The following ADGRL3 variants were observed in gnomAD, a reference collection of about 807,000 sequenced individuals.
ADGRL3 encodes the protein calcium-independent alpha-latrotoxin receptor 3.
In ADGRL3, 62 loss-of-function variants were observed where a neutral mutation model predicts 153.5. That is an observed-to-expected ratio of 0.40 (90% CI 0.33 to 0.50). The LOEUF is 0.50. ADGRL3 is among the 20% of genes least tolerant of loss of function. ADGRL3 has a pLI of 0.47. For missense variants in ADGRL3, 1,641 were observed against 1,859.4 expected (o/e 0.88, Z 2.16); for synonymous variants, 710 against 672.5 (o/e 1.06, Z -0.86).
At chr4:61,938,477 G>C (rs538318284) in intron 15 of ADGRL3, among the ~76,000 whole-genome samples, 5 of 152,192 alleles carry the variant, frequency 3.3e-5, no homozygotes, top group African/African-American at 1.2e-4. Flanking sequence ...AAATGATAAT[G>C]GATATCTCAT....
At chr4:61,885,745 A>G (rs1013613381) in intron 9 of ADGRL3, among the ~76,000 whole-genome samples, 3 of 152,224 alleles carry the variant, frequency 2.0e-5, no homozygotes, top group Middle Eastern at 3.2e-3. Flanking sequence ...GACCTGGATT[A>G]GAATCATGAT....
chr4:62,012,340 C>A (rs2099190547), intron 21 of ADGRL3, among the ~76,000 whole-genome samples: 1 of 152,144 alleles, frequency 6.6e-6, no homozygotes, highest in Non-Finnish European at 1.5e-5. Flanking sequence ...AATATTGTGT[C>A]TATTTGGAAA....
At chr4:61,909,425 C>G (rs549105211) in intron 11 of ADGRL3, 135 bp from the exon 12 acceptor site, 2 of 617,484 alleles carry the variant, frequency 3.2e-6, no homozygotes, top group East Asian at 6.0e-5. Flanking sequence ...GGAGTGTATT[C>G]CAGATGAAGA....
At chr4:61,858,581 A>C (rs371521376) in intron 9 of ADGRL3, among the ~76,000 whole-genome samples, 1 of 152,252 alleles carries the variant, frequency 6.6e-6, no homozygotes, top group South Asian at 2.1e-4. Context: ...AGATTGTGCC[A>C]CTGCACTCCA....
At chr4:61,374,022 G>GGT (rs955984930) in intron 1 of ADGRL3, among the ~76,000 whole-genome samples, 1 of 152,094 alleles carries the variant, frequency 6.6e-6, no homozygotes, top group African/African-American at 2.4e-5. Flanking sequence ...CATCAAGGGG[G>GGT]TTAACTTTTG....
intron 6 of ADGRL3, among the ~76,000 whole-genome samples, chr4:61,688,508 A>C (rs2095485549): frequency 6.6e-6 from 1 of 152,162 alleles, no homozygotes; most frequent in Non-Finnish European, 1.5e-5. Context: ...GTGAAAAAAT[A>C]AAATGAAATA....
At chr4:62,009,153 CT>C (rs2099172562) in intron 21 of ADGRL3, among the ~76,000 whole-genome samples, 2 of 152,112 alleles carry the variant, frequency 1.3e-5, no homozygotes, top group African/African-American at 4.8e-5. Context: ...ACTGTATATG[CT>C]TTCTAGAAAA....
intron 8 of ADGRL3, among the ~76,000 whole-genome samples, chr4:61,767,934 G>A (rs529256913): frequency 4.6e-5 from 7 of 152,256 alleles, no homozygotes; most frequent in African/African-American, 1.7e-4. Flanking sequence ...TGTGGGGTTT[G>A]AGGGCCAGAT....
chr4:62,007,409 CGTATATATAT>C (rs2099164378), intron 21 of ADGRL3, among the ~76,000 whole-genome samples: 1 of 90,864 alleles, frequency 1.1e-5, no homozygotes, highest in Non-Finnish European at 2.2e-5. Context: ...TATATATACA[CGTATATATAT>C]ATACACATAT....
chr4:61,210,100 G>C (rs574928824), intron 1 of ADGRL3, among the ~76,000 whole-genome samples: 2 of 152,148 alleles, frequency 1.3e-5, no homozygotes, highest in Non-Finnish European at 2.9e-5. Flanking sequence ...GTGCCAATAA[G>C]AGAAGTTATT....
At chr4:61,997,212 G>A (rs900893631) in intron 20 of ADGRL3, among the ~76,000 whole-genome samples, 2 of 150,190 alleles carry the variant, frequency 1.3e-5, no homozygotes, top group South Asian at 4.2e-4. Flanking sequence ...TGGAGACTAG[G>A]CAGCACTCTG....
chr4:61,476,135 T>A (rs1323509697), intron 2 of ADGRL3, among the ~76,000 whole-genome samples: 1 of 152,204 alleles, frequency 6.6e-6, no homozygotes, highest in South Asian at 2.1e-4. Flanking sequence ...CCTTTCTCAA[T>A]TAATTATTCT....
At chr4:61,338,430 A>G (rs1214864483) in intron 1 of ADGRL3, among the ~76,000 whole-genome samples, 1 of 151,798 alleles carries the variant, frequency 6.6e-6, no homozygotes, top group Admixed American at 6.6e-5. Flanking sequence ...AGAGAGAGAG[A>G]GAAGAGATTG....
At chr4:61,442,929 C>T (rs1316939586) in intron 2 of ADGRL3, among the ~76,000 whole-genome samples, 1 of 152,078 alleles carries the variant, frequency 6.6e-6, no homozygotes, top group African/African-American at 2.4e-5. Flanking sequence ...TGGTTCAAGC[C>T]ACTGACTGCT....
chr4:61,274,494 ACT>A lies in ADGRL3; in HGVS notation c.-240+72733_-240+72734del, dbSNP rs201466928. On this transcript the variant is annotated intron_variant, in intron 1 of 26. Coordinates refer to ENST00000683033, the MANE Select transcript of ADGRL3 (RefSeq NM_001387552.1). ...ATTTATGCTGTGTTCAGCAATTTAT[ACT>A]CTCAGTATCTAGCCCAGAGCTTCTC... Among the ~76,000 whole-genome samples the A allele has an allele frequency of 2.5e-4, 38 of 152,280 alleles. No individual in the cohort carries two copies. In the East Asian group the frequency reaches 6.6e-3, roughly 26 times the overall value.
chr4:61,413,914 C>T (rs1262769165), intron 2 of ADGRL3, among the ~76,000 whole-genome samples: 1 of 152,188 alleles, frequency 6.6e-6, no homozygotes, highest in African/African-American at 2.4e-5. Context: ...CAGTAGTCCT[C>T]CTTTATTCAC....
At chr4:61,680,396 A>G (rs1344876559) in intron 6 of ADGRL3, among the ~76,000 whole-genome samples, 1 of 143,722 alleles carries the variant, frequency 7.0e-6, no homozygotes, top group East Asian at 2.1e-4. Context: ...TTTTAAATTT[A>G]TACATACTCG....
At position 61,998,930 on chromosome 4, in the gene ADGRL3, C is replaced by T. The variant is rs115932306; in HGVS notation, c.3395+665C>T. 3.0e-3 allele frequency among the ~76,000 whole-genome samples: 450 copies of T among 152,142 alleles called. 1 individual carries two copies. Among genetic ancestry groups the T allele is most frequent in the African/African-American group, 0.01 (428 of 41,488 alleles). On this transcript the variant is annotated intron_variant, in intron 21 of 26. Coordinates refer to ENST00000683033, the MANE Select transcript of ADGRL3 (RefSeq NM_001387552.1). ...CATCACTTCCTCACACTCCATCTCC[C>T]CCTCCAGAGCAATGTGATGAGAGCC... is the stretch of plus-strand genomic sequence containing the variant.
intron 8 of ADGRL3, among the ~76,000 whole-genome samples, chr4:61,777,536 A>G (rs2097167301): frequency 6.6e-6 from 1 of 152,128 alleles, no homozygotes; most frequent in Admixed American, 6.6e-5. Context: ...TTTGAAATAA[A>G]TTTCTGAAGA....
Sources: gnomAD v4.1 joint callset for allele counts (sites outside exome capture counted in the v4.1 genomes callset) on GRCh38, gnomAD v4.1.1 for gene constraint, MANE v1.5 for transcripts, NCBI Gene and HGNC (gene_info 2026-07-23, HGNC 2026-07-21) for gene names.